CFAP61: variants seen among roughly 807,000 people sequenced by gnomAD.
CFAP61 encodes the protein cilia and flagella associated protein 61.
CFAP61 carries 107 observed loss-of-function variants against 135.6 expected under a neutral mutation model. The ratio of observed to expected loss-of-function variants is 0.79; its 90% confidence interval spans 0.67 to 0.93. The LOEUF is 0.93. Among genes scored for constraint, CFAP61 ranks in the 40% least tolerant of loss-of-function variants. The pLI is 0.00. For missense variants in CFAP61, 1,507 were observed against 1,556.2 expected (o/e 0.97, Z 0.53); for synonymous variants, 575 against 578.5 (o/e 0.99, Z 0.09).
Position 20,096,547 on chromosome 20 carries a change from G to T in CFAP61, c.700-2108G>T, listed in dbSNP as rs114511301. Among the ~76,000 whole-genome samples, 591 of 152,360 alleles carry T rather than the reference G, an allele frequency of 3.9e-3. 6 individuals carry two copies. The highest frequency in any genetic ancestry group is 0.013 in the African/African-American group (554 of 41,590). ...CATTCTTATCATACACATGCAGCTC[G>T]CTGTGAAGCCAGCAAAAGGTATTTC... is the stretch of plus-strand genomic sequence containing the variant. On this transcript the variant is annotated intron_variant, in intron 7 of 26. Transcript: ENST00000245957.
At chr20:20,119,430 C>A (rs2049437411) in intron 8 of CFAP61, among the ~76,000 whole-genome samples, 1 of 151,976 alleles carries the variant, frequency 6.6e-6, no homozygotes, top group Non-Finnish European at 1.5e-5. Context: ...CTCGAATGAT[C>A]CTTTGTATTT....
At chr20:20,125,680 T>G (rs1310790341) in intron 8 of CFAP61, among the ~76,000 whole-genome samples, 3 of 151,862 alleles carry the variant, frequency 2.0e-5, no homozygotes, top group Non-Finnish European at 4.4e-5. Context: ...TTGAATAGAA[T>G]GTGCATTCTG....
At chr20:20,286,190 C>T (rs568606074) in intron 22 of CFAP61, among the ~76,000 whole-genome samples, 1 of 152,218 alleles carries the variant, frequency 6.6e-6, no homozygotes, top group South Asian at 2.1e-4. Flanking sequence ...GTTATACCAC[C>T]AAGGCAGAAG....
At chr20:20,212,955 G>C (rs1177340303) in intron 17 of CFAP61, among the ~76,000 whole-genome samples, 1 of 152,178 alleles carries the variant, frequency 6.6e-6, no homozygotes, top group Non-Finnish European at 1.5e-5. Flanking sequence ...CAGACCAGGA[G>C]GCACCGTGTC....
chr20:20,129,661 A>G (rs1383742027), intron 8 of CFAP61, among the ~76,000 whole-genome samples: 4 of 143,658 alleles, frequency 2.8e-5, no homozygotes, highest in Non-Finnish European at 6.1e-5. Flanking sequence ...TTCTTGCTCA[A>G]CTCCTTGAAC....
At chr20:20,056,555 TTGAA>T in intron 1 of CFAP61, 59 bp from the exon 2 acceptor site, 1 of 1,125,222 alleles carries the variant, frequency 8.9e-7, no homozygotes, top group Non-Finnish European at 1.3e-6. Flanking sequence ...CACATGGAAA[TTGAA>T]TTAGTGTTCA....
chr20:20,350,804 T>C (rs1251287666), intron 26 of CFAP61, among the ~76,000 whole-genome samples: 1 of 152,214 alleles, frequency 6.6e-6, no homozygotes, highest in Non-Finnish European at 1.5e-5. Flanking sequence ...TGGAATAGTA[T>C]TCAGCCATGA....
chr20:20,066,865 G>T (rs2045312673), intron 2 of CFAP61, among the ~76,000 whole-genome samples: 1 of 152,126 alleles, frequency 6.6e-6, no homozygotes, highest in Non-Finnish European at 1.5e-5. Context: ...AAACTAATAT[G>T]ATTTGATAGT....
At chr20:20,301,292 C>T (rs1412716115) in intron 25 of CFAP61, among the ~76,000 whole-genome samples, 3 of 152,116 alleles carry the variant, frequency 2.0e-5, no homozygotes. Flanking sequence ...CAATTGCCTA[C>T]AGTATTCAGT....
chr20:20,115,666 A>G (rs1266463797), intron 8 of CFAP61, among the ~76,000 whole-genome samples: 3 of 152,112 alleles, frequency 2.0e-5, no homozygotes, highest in African/African-American at 7.2e-5. Flanking sequence ...TTTAGCTCCC[A>G]TATATGAGTG....
intron 21 of CFAP61, among the ~76,000 whole-genome samples, chr20:20,264,305 C>T (rs2052522876): frequency 6.6e-6 from 1 of 152,062 alleles, no homozygotes; most frequent in African/African-American, 2.4e-5. Flanking sequence ...GGAAGCTCCC[C>T]ATATTCTTTG....
chr20:20,357,260 A>G (rs1231163031), intron 26 of CFAP61, among the ~76,000 whole-genome samples: 41 of 19,506 alleles, frequency 2.1e-3, no homozygotes, highest in East Asian at 0.014. Context: ...CACACTGTGA[A>G]GGGTGGTAGT....
chr20:20,223,307 T>C (rs2048523367), intron 17 of CFAP61, among the ~76,000 whole-genome samples: 1 of 152,164 alleles, frequency 6.6e-6, no homozygotes, highest in Non-Finnish European at 1.5e-5. Context: ...AGGAAACTGA[T>C]ATTTAGGAAA....
chr20:20,070,997 C>G lies in CFAP61; in HGVS notation c.287C>G (p.Pro96Arg). The G allele has an allele frequency of 2.5e-6, 4 of 1,613,506 alleles. No homozygotes were observed. Among genetic ancestry groups the G allele is most frequent in the Non-Finnish European group, 3.4e-6 (4 of 1,179,730 alleles). The change falls in exon 3 of 27, where the codon CCA becomes CGA. Residue 96 changes from proline to arginine, a missense_variant. Physicochemically the swap from Pro to Arg is moderately radical, Grantham distance 103 (BLOSUM62 -2). Transcript: ENST00000245957. The part of the protein sequence containing the change: ...SVFRELDSDI[P>R]CTPLNTLFMH... ...TTCCGGGAGCTCGACAGTGACATCC[C>G]ATGCACAGTAAGAAATCACATACAG...
At chr20:20,066,312 C>G (rs1261131151) in intron 2 of CFAP61, among the ~76,000 whole-genome samples, 3 of 152,212 alleles carry the variant, frequency 2.0e-5, no homozygotes, top group Non-Finnish European at 4.4e-5. Flanking sequence ...CTTGACCCAG[C>G]AATCCCATTA....
intron 13 of CFAP61, among the ~76,000 whole-genome samples, chr20:20,178,710 C>G (rs1411922290): frequency 6.6e-6 from 1 of 151,944 alleles, no homozygotes; most frequent in African/African-American, 2.4e-5. Flanking sequence ...CTTTGCTTTT[C>G]TGTGAGTGGC....
rs367583111 is a variant in CFAP61, at chr20:20,160,653, CAGAA to C, written c.1026+1213_1026+1216del. 1.5e-3 allele frequency among the ~76,000 whole-genome samples: 235 copies of C among 152,306 alleles called. 2 individuals carry two copies. Among genetic ancestry groups the C allele is most frequent in the African/African-American group, 5.5e-3 (228 of 41,564 alleles). On this transcript the variant is annotated intron_variant, in intron 10 of 26. Transcript: ENST00000245957. The stretch of plus-strand genomic sequence containing the variant: ...ACAACCTGGGAGCAGGATGTGCTGT[CAGAA>C]AGAGAAAGCACGATGTAGGCACAGG...
chr20:20,224,007 T>C (rs2048567775), intron 17 of CFAP61, among the ~76,000 whole-genome samples: 1 of 152,210 alleles, frequency 6.6e-6, no homozygotes, highest in African/African-American at 2.4e-5. Context: ...AACACAAAGT[T>C]GATGTATCTA....
At chr20:20,166,632 G>A (rs2053855519) in intron 12 of CFAP61, among the ~76,000 whole-genome samples, 196 bp downstream of exon 12, 1 of 152,182 alleles carries the variant, frequency 6.6e-6, no homozygotes, top group Admixed American at 6.5e-5. Flanking sequence ...TATTTTAGCA[G>A]TTCTCTTTAA....
Sources: allele counts gnomAD v4.1 joint callset (sites outside exome capture counted in the v4.1 genomes callset), GRCh38; gene constraint gnomAD v4.1.1; transcripts MANE v1.5; gene names NCBI Gene and HGNC (gene_info 2026-07-23, HGNC 2026-07-21).